The following PTPRN2 variants were observed in gnomAD, a reference collection of about 807,000 sequenced individuals.
PTPRN2 encodes receptor-type tyrosine-protein phosphatase N2.
PTPRN2 carries 74 observed loss-of-function variants against 118.8 expected under a neutral mutation model. The observed-to-expected ratio is 0.62, with a 90% CI of 0.52 to 0.76. PTPRN2 has a LOEUF of 0.76. Ranked by LOEUF, PTPRN2 falls within the 30% of genes least tolerant of loss-of-function variation. The pLI is 0.00. For missense variants in PTPRN2, 1,481 were observed against 1,394.4 expected (o/e 1.06, Z -0.99); for synonymous variants, 641 against 608.0 (o/e 1.05, Z -0.80).
At chr7:157,557,540 TCACA>T (rs1461813524) in intron 21 of PTPRN2, among the ~76,000 whole-genome samples, 255 of 73,548 alleles carry the variant, frequency 3.5e-3, no homozygotes, top group Non-Finnish European at 5.4e-3. Context: ...CCCACACCCA[TCACA>T]CACACTCCCA....
At chr7:158,364,465 A>G (rs1401420334) in intron 2 of PTPRN2, among the ~76,000 whole-genome samples, 2 of 152,164 alleles carry the variant, frequency 1.3e-5, no homozygotes, top group Admixed American at 6.5e-5. Context: ...GGTAAGTGTG[A>G]CCAAGAATGT....
At chr7:158,463,407 T>A (rs1311143244) in intron 2 of PTPRN2, among the ~76,000 whole-genome samples, 2 of 152,048 alleles carry the variant, frequency 1.3e-5, no homozygotes, top group Non-Finnish European at 2.9e-5. Flanking sequence ...ACGACCATCA[T>A]TGTTGTCATC....
At chr7:158,192,099 C>A (rs1199312630) in intron 5 of PTPRN2, among the ~76,000 whole-genome samples, 1 of 152,154 alleles carries the variant, frequency 6.6e-6, no homozygotes, top group Non-Finnish European at 1.5e-5. Flanking sequence ...CAAGAAAGAT[C>A]CTACAGAGCC....
intron 10 of PTPRN2, among the ~76,000 whole-genome samples, chr7:158,107,254 G>A (rs1772006980): frequency 6.6e-6 from 1 of 151,962 alleles, no homozygotes; most frequent in Non-Finnish European, 1.5e-5. Context: ...TAAGTCACCT[G>A]GACAGCACCC....
At chr7:158,150,399 G>C (rs773839823) in intron 6 of PTPRN2, among the ~76,000 whole-genome samples, 2 of 152,190 alleles carry the variant, frequency 1.3e-5, no homozygotes, top group African/African-American at 2.4e-5. Flanking sequence ...GCAGGGCTGA[G>C]ATGTCCACCC....
intron 15 of PTPRN2, among the ~76,000 whole-genome samples, chr7:157,605,078 T>C (rs1801920802): frequency 6.6e-6 from 1 of 152,130 alleles, no homozygotes; most frequent in Admixed American, 6.5e-5. Flanking sequence ...TTTGCCCAAG[T>C]TTTGCTCAGG....
At chr7:157,606,120 G>T (rs921104582) in intron 15 of PTPRN2, among the ~76,000 whole-genome samples, 1 of 152,248 alleles carries the variant, frequency 6.6e-6, no homozygotes, top group African/African-American at 2.4e-5. Context: ...GCAGGGGGCT[G>T]GTGTGTCAGC....
At chr7:158,243,711 C>T (rs1294389716) in intron 3 of PTPRN2, among the ~76,000 whole-genome samples, 1 of 152,080 alleles carries the variant, frequency 6.6e-6, no homozygotes, top group Non-Finnish European at 1.5e-5. Context: ...GTACTAAGTA[C>T]CTCCTAAGTT....
chr7:158,222,068 A>G (rs1404918054), intron 3 of PTPRN2, among the ~76,000 whole-genome samples: 1 of 152,310 alleles, frequency 6.6e-6, no homozygotes, highest in South Asian at 2.1e-4. Flanking sequence ...TAAAAAGTCA[A>G]AAAATAACAG....
intron 12 of PTPRN2, among the ~76,000 whole-genome samples, chr7:157,717,757 G>A (rs1367128727): frequency 6.6e-6 from 1 of 152,356 alleles, no homozygotes; most frequent in Non-Finnish European, 1.5e-5. Context: ...CCCGACCTGC[G>A]GGCCAGCACC....
At chr7:158,528,083 G>A (rs1405618601) in intron 1 of PTPRN2, among the ~76,000 whole-genome samples, 1 of 152,256 alleles carries the variant, frequency 6.6e-6, no homozygotes, top group Non-Finnish European at 1.5e-5. Context: ...TTCCTGTGTT[G>A]TGTGAGCACA....
rs999501051 is a variant in PTPRN2, at chr7:157,682,700, C to G, written c.2001+25G>C. On this transcript the variant is annotated intron_variant, in intron 13 of 22. Transcript: ENST00000389418. The stretch of plus-strand genomic sequence containing the variant: ...TGTTCAACAGATAAATCCGATATAC[C>G]ACTTTTTAAAAAGTCTCCTCTTACC... The G allele has an allele frequency of 1.9e-6, 3 of 1,592,922 alleles. No individual in the cohort carries two copies. In the African/African-American group the frequency reaches 4.0e-5, roughly 21 times the overall value.
At chr7:158,128,290 C>T (rs1457214517) in intron 9 of PTPRN2, among the ~76,000 whole-genome samples, 2 of 152,226 alleles carry the variant, frequency 1.3e-5, no homozygotes, top group African/African-American at 4.8e-5. Context: ...TCACCTAGTG[C>T]ATCACACCTT....
At chr7:157,773,173 C>T (rs901991122) in intron 12 of PTPRN2, among the ~76,000 whole-genome samples, 2 of 152,196 alleles carry the variant, frequency 1.3e-5, no homozygotes, top group Admixed American at 6.5e-5. Flanking sequence ...TCGCAGCAGA[C>T]GGAGGCAGGG....
chr7:158,333,332 A>T (rs1294608136), intron 2 of PTPRN2, among the ~76,000 whole-genome samples: 1 of 140,918 alleles, frequency 7.1e-6, no homozygotes, highest in Non-Finnish European at 1.5e-5. Context: ...CCACACTGTC[A>T]CCATAAGAGG....
rs145013965 is a variant in PTPRN2 at position 158,064,099 on chromosome 7, GTGCCTGC to G, written c.1723+17192_1723+17198del. Among the ~76,000 whole-genome samples the G allele has an allele frequency of 5.6e-3, 859 of 152,340 alleles. 3 individuals are homozygous for G. The highest frequency in any genetic ancestry group is 9.5e-3 in the Non-Finnish European group (645 of 68,042). ...GCAGAATGTGGCCATGCAGGGGCCT[GTGCCTGC>G]TGCTAGAGGCGACGAGGTCTCAGCC... On this transcript the variant is annotated intron_variant, in intron 11 of 22. Coordinates refer to ENST00000389418, the MANE Select transcript of PTPRN2 (RefSeq NM_002847.5).
chr7:158,321,612 G>A (rs1025670272), intron 2 of PTPRN2, among the ~76,000 whole-genome samples: 6 of 152,152 alleles, frequency 3.9e-5, no homozygotes, highest in Admixed American at 1.3e-4. Context: ...CCTGCTCTTC[G>A]TCCAGAACGG....
Position 157,801,215 on chromosome 7 carries a change from C to T in PTPRN2, c.1788+97458G>A, listed in dbSNP as rs140633563. Among the ~76,000 whole-genome samples, 584 of 152,132 alleles carry T rather than the reference C, an allele frequency of 3.8e-3. 3 individuals are homozygous for T. Among genetic ancestry groups the T allele is most frequent in the African/African-American group, 0.013 (555 of 41,488 alleles). On this transcript the variant is annotated intron_variant, in intron 12 of 22. Transcript: ENST00000389418. The surrounding 1 kb of genome is among the most constrained non-coding windows in gnomAD (Gnocchi z 4.2). ...TGATTCCGCTACACGGTGCAAGTTA[C>T]GCCAGACCAGAAACTGAACCGACGC...
intron 12 of PTPRN2, among the ~76,000 whole-genome samples, chr7:157,753,480 C>G (rs1449506374): frequency 6.6e-6 from 1 of 152,232 alleles, no homozygotes; most frequent in Non-Finnish European, 1.5e-5. Flanking sequence ...CCAGCCACCA[C>G]TGCTTCTCCT....
Sources: gnomAD v4.1 joint callset for allele counts (sites outside exome capture counted in the v4.1 genomes callset) on GRCh38, gnomAD v4.1.1 for gene constraint, Gnocchi (gnomAD v3.1) non-coding constraint, MANE v1.5 for transcripts, NCBI Gene and HGNC (gene_info 2026-07-23, HGNC 2026-07-21) for gene names.